The following TNRC6B variants were observed in gnomAD, a reference collection of about 807,000 sequenced individuals.
TNRC6B encodes the protein trinucleotide repeat containing adaptor 6B.
Under a neutral mutation model 203.6 loss-of-function variants are expected in TNRC6B, and 52 were observed. The observed-to-expected ratio is 0.26, with a 90% CI of 0.20 to 0.32. The LOEUF (loss-of-function observed/expected upper bound fraction) is 0.32. Ranked by LOEUF, TNRC6B falls within the 10% of genes least tolerant of loss-of-function variation. TNRC6B has a pLI of 1.00. For synonymous variants in TNRC6B, 838 were observed against 845.7 expected (o/e 0.99, Z 0.16); for missense variants, 1,923 against 2,286.2 (o/e 0.84, Z 3.24).
chr22:40,083,184 A>G (rs1280677971), intron 1 of TNRC6B, among the ~76,000 whole-genome samples: 1 of 152,220 alleles, frequency 6.6e-6, no homozygotes, highest in African/African-American at 2.4e-5. Flanking sequence ...AGTCAAAGAC[A>G]TAGAAGGAAA....
intron 1 of TNRC6B, among the ~76,000 whole-genome samples, chr22:40,203,716 A>G (rs1236848876): frequency 1.3e-5 from 2 of 152,020 alleles, no homozygotes; most frequent in Non-Finnish European, 2.9e-5. Context: ...GCTTCTGCCA[A>G]TTTTGTTTTG....
At chr22:40,208,670 G>GA (rs770213667) in intron 1 of TNRC6B, among the ~76,000 whole-genome samples, 77 of 152,064 alleles carry the variant, frequency 5.1e-4, no homozygotes, top group Non-Finnish European at 3.8e-4. Context: ...GTACCGGAAA[G>GA]GTTATTCCTT....
chr22:40,108,996 A>C (rs1291225723), intron 1 of TNRC6B, among the ~76,000 whole-genome samples: 4 of 131,922 alleles, frequency 3.0e-5, no homozygotes, highest in Non-Finnish European at 4.6e-5. Context: ...ATGTGTTCTC[A>C]TTGTTCAGCT....
At chr22:40,221,125 C>A (rs1315901813) in intron 1 of TNRC6B, among the ~76,000 whole-genome samples, 1 of 152,144 alleles carries the variant, frequency 6.6e-6, no homozygotes, top group East Asian at 1.9e-4. Context: ...CTTCTTGGGT[C>A]TGGGCACTGA....
chr22:40,313,081 A>C, intron 19 of TNRC6B, 84 bp downstream of exon 19: 1 of 1,058,120 alleles, frequency 9.5e-7, no homozygotes, highest in Non-Finnish European at 1.4e-6. Context: ...CATGTATTTC[A>C]TAAGATATAC....
chr22:40,144,762 G>T (rs6001801), intron 3 of TNRC6B, among the ~76,000 whole-genome samples: 53,615 of 150,288 alleles, frequency 0.36, 12,876 homozygotes, highest in African/African-American at 0.69. Context: ...AAAAAATGTA[G>T]ATATAAAAGT....
chr22:40,204,230 A>G (rs1158815693), intron 1 of TNRC6B, among the ~76,000 whole-genome samples: 1 of 152,172 alleles, frequency 6.6e-6, no homozygotes, highest in Non-Finnish European at 1.5e-5. Context: ...TTTGTTGTTT[A>G]ATTATAGGAA....
intron 4 of TNRC6B, among the ~76,000 whole-genome samples, chr22:40,158,695 A>T (rs184700147): frequency 2.0e-5 from 3 of 152,246 alleles, no homozygotes; most frequent in Admixed American, 2.0e-4. Context: ...CACAAGTCTC[A>T]TACTGCCTGG....
At position 40,075,015 on chromosome 22, in the gene TNRC6B, T is replaced by C. The variant is rs371724070; in HGVS notation, c.-121+30017T>C. Among the ~76,000 whole-genome samples, 29 of 151,762 alleles carry C rather than the reference T, an allele frequency of 1.9e-4. No homozygotes were observed. In the East Asian group the frequency reaches 2.3e-3, roughly 12 times the overall value. On this transcript the variant is annotated intron_variant, in intron 1 of 23. Transcript: ENST00000301923. ...AATTTCAGTCCTTTGAGATCTGTCATGATTTGTATGGTCTTCTTTGTGAAT... is the reference window on the plus strand; with the variant it reads ...AATTTCAGTCCTTTGAGATCTGTCACGATTTGTATGGTCTTCTTTGTGAAT...
intron 1 of TNRC6B, among the ~76,000 whole-genome samples, chr22:40,070,230 A>G (rs2067935702): frequency 6.6e-6 from 1 of 152,188 alleles, no homozygotes; most frequent in South Asian, 2.1e-4. Flanking sequence ...GCTAAAGTAT[A>G]TAATTTTCAT....
chr22:40,087,209 A>G (rs1379797785), intron 1 of TNRC6B, among the ~76,000 whole-genome samples: 15 of 152,238 alleles, frequency 9.9e-5, no homozygotes, highest in Non-Finnish European at 1.5e-5. Flanking sequence ...GAATGATTGT[A>G]TATTTAAATT....
At chr22:40,118,210 A>G (rs2068409073) in intron 2 of TNRC6B, among the ~76,000 whole-genome samples, 2 of 152,312 alleles carry the variant, frequency 1.3e-5, no homozygotes, top group African/African-American at 2.4e-5. Flanking sequence ...ACCTGAAGAC[A>G]GTAGCCATAA....
At chr22:40,307,989 G>A (rs902823404) in intron 15 of TNRC6B, among the ~76,000 whole-genome samples, 1 of 152,010 alleles carries the variant, frequency 6.6e-6, no homozygotes, top group Non-Finnish European at 1.5e-5. Context: ...GCTAACCATT[G>A]GAGTCATTTG....
At position 40,265,630 on chromosome 22, in the gene TNRC6B, G is replaced by A; in HGVS notation, c.1400G>A (p.Gly467Glu). The A allele has an allele frequency of 6.2e-7, 1 of 1,613,684 alleles. No homozygotes were observed. Reference protein sequence around the residue: ...WKGASVQKSTGSKNDSWDNNN... With the variant: ...WKGASVQKSTESKNDSWDNNN... ...GGAGCTTCTGTTCAGAAATCAACTG[G>A]GTCAAAAAATGACTCTTGGGACAAC... Residue 467 changes from glycine to glutamate, a missense_variant, in exon 5 of 23, where the codon GGG (glycine) becomes GAG (glutamate). Gly to Glu is a moderately conservative substitution (Grantham distance 98). Coordinates refer to ENST00000454349, the MANE Select transcript of TNRC6B (RefSeq NM_001162501.2).
chr22:40,127,101 C>T (rs1383174149), intron 3 of TNRC6B, among the ~76,000 whole-genome samples: 2 of 151,302 alleles, frequency 1.3e-5, no homozygotes, highest in African/African-American at 2.4e-5. Flanking sequence ...ATATCTGGCT[C>T]CATGTGCTGA....
intron 1 of TNRC6B, among the ~76,000 whole-genome samples, chr22:40,226,042 A>G (rs2069781175): frequency 6.6e-6 from 1 of 152,202 alleles, no homozygotes; most frequent in Admixed American, 6.5e-5. Flanking sequence ...ACTGGTGTAT[A>G]ATTTTAGTTG....
intron 3 of TNRC6B, among the ~76,000 whole-genome samples, chr22:40,154,863 ATATATATATATATATAT>A (rs2068803293): frequency 1.1e-4 from 3 of 28,390 alleles, no homozygotes; most frequent in Non-Finnish European, 1.7e-4. Context: ...AAAAAAAAAT[ATATATATATATATATAT>A]ATATATATAT....
At chr22:40,243,959 CTT>C (rs79477650) in intron 1 of TNRC6B, among the ~76,000 whole-genome samples, 1 of 145,488 alleles carries the variant, frequency 6.9e-6, no homozygotes, top group African/African-American at 2.5e-5. Context: ...AACCTAATAC[CTT>C]TTTTTTTTTT....
chr22:40,154,192 A>G (rs1281212799), intron 3 of TNRC6B, among the ~76,000 whole-genome samples: 2 of 152,024 alleles, frequency 1.3e-5, no homozygotes, highest in Non-Finnish European at 2.9e-5. Flanking sequence ...GGCTGGGCGC[A>G]TTGGCTCACT....
Sources: gnomAD v4.1 joint callset for allele counts (sites outside exome capture counted in the v4.1 genomes callset) on GRCh38, gnomAD v4.1.1 for gene constraint, MANE v1.5 for transcripts, NCBI Gene and HGNC (gene_info 2026-07-23, HGNC 2026-07-21) for gene names.